Variants in EPHB3 observed in about 807,000 individuals in gnomAD.
The protein encoded by EPHB3 is EPH receptor B3, also known as ephrin type-B receptor 3.
In EPHB3, 33 loss-of-function variants were observed where a neutral mutation model predicts 100.2. That is an observed-to-expected ratio of 0.33 (90% CI 0.25 to 0.44). The LOEUF is 0.44. Among genes scored for constraint, EPHB3 ranks in the 20% least tolerant of loss-of-function variants. The pLI, the probability that EPHB3 is intolerant of heterozygous loss-of-function variation, is 1.00. For missense variants in EPHB3, 1,045 were observed against 1,378.3 expected (o/e 0.76, Z 3.83); for synonymous variants, 526 against 554.7 (o/e 0.95, Z 0.73).
chr3:184,580,397 T>C lies in EPHB3; in HGVS notation c.2173-5T>C, dbSNP rs754301202. ...GGCTCACCTGAGCCTGCTTGTTGCC[T>C]GCAGCTCAACGATGGGCAGTTCACG... On this transcript the variant is annotated splice_region_variant and splice_polypyrimidine_tract_variant and intron_variant, in intron 11 of 15. Transcript: ENST00000330394. The C allele has an allele frequency of 6.2e-7, 1 of 1,614,218 alleles. No individual in the cohort carries two copies. Among genetic ancestry groups the C allele is most frequent in the Non-Finnish European group, 8.5e-7 (1 of 1,180,020 alleles).
chr3:184,563,816 T>C lies in EPHB3; in HGVS notation c.118+1463T>C, dbSNP rs1028327503. Among the ~76,000 whole-genome samples, 1 of 152,158 alleles carries C rather than the reference T, an allele frequency of 6.6e-6. No homozygotes were observed. The highest frequency in any genetic ancestry group is 1.5e-5 in the Non-Finnish European group (1 of 68,032). ...GATCTGTGTCTGGGTCTCTGTGTCG[T>C]AGTCCAGGAGAGGCGACACTGGTAC... On this transcript the variant is annotated intron_variant, in intron 1 of 15. Coordinates refer to ENST00000330394, the MANE Select transcript of EPHB3 (RefSeq NM_004443.4). This position sits in a 1 kb window ranked among gnomAD's most constrained non-coding sequence, Gnocchi z 4.1.
rs1429230728 is a variant in EPHB3, at chr3:184,569,431, C to A, written c.119-1887C>A. Among the ~76,000 whole-genome samples the A allele has an allele frequency of 1.3e-5, 2 of 151,926 alleles. No homozygotes were observed. The highest frequency in any genetic ancestry group is 2.9e-5 in the Non-Finnish European group (2 of 67,918). ...TCCGCACATCCCTCCGGCTCCGTGC[C>A]GCCCACCGCCCGCCAGCTCCAGTCG... On this transcript the variant is annotated intron_variant, in intron 1 of 15. Coordinates refer to ENST00000330394, the MANE Select transcript of EPHB3 (RefSeq NM_004443.4). This position sits in a 1 kb window ranked among gnomAD's most constrained non-coding sequence, Gnocchi z 5.4.
At chr3:184,567,739 T>C (rs1714422869) in intron 1 of EPHB3, among the ~76,000 whole-genome samples, 1 of 152,188 alleles carries the variant, frequency 6.6e-6, no homozygotes, top group Admixed American at 6.5e-5. Context: ...ACTGTGTGAC[T>C]TGCAGCTGGT....
intron 4 of EPHB3, 67 bp from the exon 5 acceptor site, chr3:184,576,775 A>C: frequency 6.8e-7 from 1 of 1,464,512 alleles, no homozygotes. Context: ...AGTGTGCTGG[A>C]ACTCCGGGCA....
rs1253428450 is a variant in EPHB3, at chr3:184,565,866, G to A, written c.118+3513G>A. ...GCAGCTTCAGCGGCTGCTGCGAGCT[G>A]AAGCCGAAGCTGCCGAAGCTGCCGT... is the stretch of plus-strand genomic sequence containing the variant. On this transcript the variant is annotated intron_variant, in intron 1 of 15. Transcript: ENST00000330394. The surrounding 1 kb of genome is among the most constrained non-coding windows in gnomAD (Gnocchi z 4.8). Among the ~76,000 whole-genome samples, 5 of 152,254 alleles carry A rather than the reference G, an allele frequency of 3.3e-5. No homozygotes were observed. Among genetic ancestry groups the A allele is most frequent in the African/African-American group, 1.2e-4 (5 of 41,478 alleles).
Position 184,569,207 on chromosome 3 carries a change from C to CGGCGGGCGGACG in EPHB3, c.119-2105_119-2104insCGGACGGGCGGG, listed in dbSNP as rs71188826. On this transcript the variant is annotated intron_variant, in intron 1 of 15. Transcript: ENST00000330394. This position sits in a 1 kb window ranked among gnomAD's most constrained non-coding sequence, Gnocchi z 5.4. ...CCGGCGGGCGGACCGGCGGGCGGAC[C>CGGCGGGCGGACG]GGCGGGAGGACTGGCTGCGGGGGCA... Among the ~76,000 whole-genome samples, 1 of 151,444 alleles carries CGGCGGGCGGACG rather than the reference C, an allele frequency of 6.6e-6. No individual in the cohort carries two copies. Among genetic ancestry groups the CGGCGGGCGGACG allele is most frequent in the South Asian group, 2.1e-4 (1 of 4,790 alleles).
Position 184,579,385 on chromosome 3 carries a change from TG to T in EPHB3, c.1802-89del. On this transcript the variant is annotated intron_variant, in intron 9 of 15. Transcript: ENST00000330394. The surrounding 1 kb of genome is among the most constrained non-coding windows in gnomAD (Gnocchi z 5.2). The stretch of plus-strand genomic sequence containing the variant: ...GCAGCAACACAGAGGAATATGGGGC[TG>T]GGCTCAGCAGGGAGCCTGCTGGAGC... The T allele has an allele frequency of 6.4e-7, 1 of 1,556,336 alleles. No homozygotes were observed. Among genetic ancestry groups the T allele is most frequent in the Non-Finnish European group, 8.7e-7 (1 of 1,145,426 alleles).
rs1229201645 is a variant in EPHB3, at chr3:184,565,859, G to T, written c.118+3506G>T. Among the ~76,000 whole-genome samples the T allele has an allele frequency of 7.9e-5, 12 of 152,374 alleles. No homozygotes were observed. The South Asian group carries it at 1.7e-3, about 21-fold the overall frequency. On this transcript the variant is annotated intron_variant, in intron 1 of 15. Coordinates refer to ENST00000330394, the MANE Select transcript of EPHB3 (RefSeq NM_004443.4). The surrounding 1 kb of genome is among the most constrained non-coding windows in gnomAD (Gnocchi z 4.8). ...TGCCACTGCAGCTTCAGCGGCTGCTGCGAGCTGAAGCCGAAGCTGCCGAAG... is the reference window on the plus strand; with the variant it reads ...TGCCACTGCAGCTTCAGCGGCTGCTTCGAGCTGAAGCCGAAGCTGCCGAAG...
chr3:184,575,375 G>A (rs1027554009), intron 3 of EPHB3, among the ~76,000 whole-genome samples: 7 of 152,192 alleles, frequency 4.6e-5, no homozygotes, highest in African/African-American at 1.2e-4. Flanking sequence ...TGAAGGTCCC[G>A]TCTCCTGGCT....
Position 184,569,597 on chromosome 3 carries a change from C to G in EPHB3, c.119-1721C>G, listed in dbSNP as rs944914620. 2.6e-5 allele frequency among the ~76,000 whole-genome samples: 4 copies of G among 152,250 alleles called. No homozygotes were observed. The highest frequency in any genetic ancestry group is 4.4e-5 in the Non-Finnish European group (3 of 68,050). On this transcript the variant is annotated intron_variant, in intron 1 of 15. Transcript: ENST00000330394. The surrounding 1 kb of genome is among the most constrained non-coding windows in gnomAD (Gnocchi z 5.4). ...TCTGCCAGAGGCCAGGATCGCTCCC[C>G]TTACAGCCGGGCCCTCAGGGGACCA...
At chr3:184,570,350 C>T (rs1403186812) in intron 1 of EPHB3, among the ~76,000 whole-genome samples, 1 of 152,242 alleles carries the variant, frequency 6.6e-6, no homozygotes, top group Non-Finnish European at 1.5e-5. Flanking sequence ...ACCTGATCCA[C>T]CCTTGTCCCC....
At position 184,572,627 on chromosome 3, in the gene EPHB3, C is replaced by T; in HGVS notation, c.307C>T (p.Gln103Ter). The T allele has an allele frequency of 6.4e-7, 1 of 1,558,268 alleles. No homozygotes were observed. Among genetic ancestry groups the T allele is most frequent in the Non-Finnish European group, 8.7e-7 (1 of 1,153,226 alleles). ...GGGGTTCATCTGGCGGCGGGATGTG[C>T]AGCGGGTCTACGTGGAGCTCAAGTT... ...RTGFIWRRDV[Q>*]RVYVELKFTV... Residue 103 changes from glutamine (Q) to a stop codon, truncating the protein, a stop_gained, in exon 3 of 16, where the codon CAG becomes TAG. Coordinates refer to ENST00000330394, the MANE Select transcript of EPHB3 (RefSeq NM_004443.4). LOFTEE classifies it high-confidence loss of function. The surrounding 1 kb of genome is among the most constrained non-coding windows in gnomAD (Gnocchi z 6.6).
chr3:184,573,257 C>A lies in EPHB3; in HGVS notation c.856+81C>A. The A allele has an allele frequency of 6.4e-7, 1 of 1,554,554 alleles. No homozygotes were observed. The highest frequency in any genetic ancestry group is 8.7e-7 in the Non-Finnish European group (1 of 1,150,912). On this transcript the variant is annotated intron_variant, in intron 3 of 15. Transcript: ENST00000330394. This position sits in a 1 kb window ranked among gnomAD's most constrained non-coding sequence, Gnocchi z 4.5. ...CCTACCGCCCCGCCCCCCACCCCTG[C>A]TTGCTATCTGACTAGGAGGTCTGGG...
In EPHB3 at chr3:184,562,128, G is replaced by A. The variant is rs1230629266; in HGVS notation, c.-108G>A. 3.4e-5 allele frequency: 6 copies of A among 177,952 alleles called. No homozygotes were observed. Among genetic ancestry groups the A allele is most frequent in the African/African-American group, 9.6e-5 (4 of 41,802 alleles). The allele number at this position is 177,952 out of a possible 1,614,324, so 11.0% of individuals were successfully genotyped here. A position where few individuals can be genotyped will look rare whatever the true frequency, so the allele number is the denominator to read the frequency against. On this transcript the variant is annotated 5_prime_UTR_variant, in exon 1 of 16. Coordinates refer to ENST00000330394, the MANE Select transcript of EPHB3 (RefSeq NM_004443.4). The surrounding 1 kb of genome is among the most constrained non-coding windows in gnomAD (Gnocchi z 4.8). The stretch of plus-strand genomic sequence containing the variant: ...TCCTGGATCTCCTGGGACCCGACGC[G>A]AGCCTGCCCCGGAGCCCGCCGAGCG...
chr3:184,567,876 C>T (rs1457802504), intron 1 of EPHB3, among the ~76,000 whole-genome samples: 1 of 152,150 alleles, frequency 6.6e-6, no homozygotes, highest in African/African-American at 2.4e-5. Context: ...CCGCCTAAGG[C>T]AAGCCAGATC....
Position 184,573,231 on chromosome 3 carries a change from A to G in EPHB3, c.856+55A>G. On this transcript the variant is annotated intron_variant, in intron 3 of 15. Transcript: ENST00000330394. The surrounding 1 kb of genome is among the most constrained non-coding windows in gnomAD (Gnocchi z 4.5). ...TGTCGGGAGGGCCTGGGCCACAGCT[A>G]CCTACCGCCCCGCCCCCCACCCCTG... 3.8e-6 allele frequency: 6 copies of G among 1,596,030 alleles called. No individual in the cohort carries two copies. The South Asian group carries it at 6.6e-5, about 18-fold the overall frequency.
Position 184,569,729 on chromosome 3 carries a change from C to A in EPHB3, c.119-1589C>A, listed in dbSNP as rs1366025421. Among the ~76,000 whole-genome samples, 2 of 152,264 alleles carry A rather than the reference C, an allele frequency of 1.3e-5. No homozygotes were observed. The highest frequency in any genetic ancestry group is 2.9e-5 in the Non-Finnish European group (2 of 68,040). The stretch of plus-strand genomic sequence containing the variant: ...GCTGGGGTCACAGCTGCCTTGTCCA[C>A]CCACGGGGTCCTCCGCCGTCCTCGG... On this transcript the variant is annotated intron_variant, in intron 1 of 15. Coordinates refer to ENST00000330394, the MANE Select transcript of EPHB3 (RefSeq NM_004443.4). The surrounding 1 kb of genome is among the most constrained non-coding windows in gnomAD (Gnocchi z 5.4).
In EPHB3 at chr3:184,580,470, G is replaced by A. The variant is rs772221744; in HGVS notation, c.2241G>A (p.Lys747=). Residue 747 remains lysine, a synonymous_variant, in exon 12 of 16, where the codon AAG becomes AAA. Coordinates refer to ENST00000330394, the MANE Select transcript of EPHB3 (RefSeq NM_004443.4). ...GMLRGIAAGM[K]YLSEMNYVHR... ...TGCGGGGCATTGCTGCCGGCATGAA[G>A]TACCTGTCCGAGATGAACTATGTGC... 1.6e-5 allele frequency: 26 copies of A among 1,614,090 alleles called. No homozygotes were observed. The highest frequency in any genetic ancestry group is 2.0e-5 in the Non-Finnish European group (24 of 1,180,040).
In EPHB3 at chr3:184,571,461, C is replaced by T. The variant is rs1050359816; in HGVS notation, c.183+79C>T. 82 of 1,499,892 alleles carry T rather than the reference C, an allele frequency of 5.5e-5. No individual in the cohort carries two copies. The highest frequency in any genetic ancestry group is 7.5e-5 in the Non-Finnish European group (81 of 1,082,220). The allele number at this position is 1,499,892 out of a possible 1,614,324, so 92.9% of individuals were successfully genotyped here. A position where few individuals can be genotyped will look rare whatever the true frequency, so the allele number is the denominator to read the frequency against. Reference sequence around the variant, plus strand: ...ACTTCCAGCCTCCGTGCCCCCTCATCTCACCAGGGCCTGGAGGAGGGCTGC... The same window carrying T: ...ACTTCCAGCCTCCGTGCCCCCTCATTTCACCAGGGCCTGGAGGAGGGCTGC... On this transcript the variant is annotated intron_variant, in intron 2 of 15. Transcript: ENST00000330394. This position sits in a 1 kb window ranked among gnomAD's most constrained non-coding sequence, Gnocchi z 5.0.
Sources: gnomAD v4.1 joint callset for allele counts (sites outside exome capture counted in the v4.1 genomes callset) on GRCh38, gnomAD v4.1.1 for gene constraint, Gnocchi (gnomAD v3.1) non-coding constraint, MANE v1.5 for transcripts, NCBI Gene and HGNC (gene_info 2026-07-23, HGNC 2026-07-21) for gene names.